Variants in KCNK13 observed in about 807,000 individuals in gnomAD.
KCNK13 encodes the protein potassium channel subfamily K member 13.
In KCNK13, 12 loss-of-function variants were observed where a neutral mutation model predicts 23.4. The observed-to-expected ratio is 0.51, with a 90% CI of 0.33 to 0.83. KCNK13 has a LOEUF of 0.83. Among genes scored for constraint, KCNK13 ranks in the 40% least tolerant of loss-of-function variants. The probability of loss-of-function intolerance (pLI) is 0.02; values close to 1 mark genes in which losing one functional copy is unlikely to be tolerated. For synonymous variants in KCNK13, 231 were observed against 229.5 expected, an observed-to-expected ratio of 1.01 and a Z score of -0.06; for missense variants, 463 against 556.3, an observed-to-expected ratio of 0.83 and a Z score of 1.69.
chr14:90,099,096 TA>T (rs72104481), intron 1 of KCNK13, among the ~76,000 whole-genome samples: 21 of 148,828 alleles, frequency 1.4e-4, no homozygotes, highest in African/African-American at 2.2e-4. Flanking sequence ...TTTTAAAAAT[TA>T]AAAAAAAAAA....
chr14:90,181,581 G>C (rs1890486535), intron 1 of KCNK13, among the ~76,000 whole-genome samples: 2 of 152,192 alleles, frequency 1.3e-5, no homozygotes, highest in Admixed American at 6.5e-5. Flanking sequence ...GACCACGGCA[G>C]TGGCCCAGAC....
intron 1 of KCNK13, among the ~76,000 whole-genome samples, chr14:90,105,486 A>C (rs1889533324): frequency 6.6e-6 from 1 of 152,128 alleles, no homozygotes; most frequent in Non-Finnish European, 1.5e-5. Flanking sequence ...GAGCAACCCA[A>C]GTTTTTATAC....
chr14:90,156,159 C>T (rs139869293), intron 1 of KCNK13, among the ~76,000 whole-genome samples: 2 of 147,020 alleles, frequency 1.4e-5, no homozygotes, highest in South Asian at 2.1e-4. Flanking sequence ...GAGCCACGTT[C>T]GTGCCACTGC....
chr14:90,111,571 T>C lies in KCNK13; in HGVS notation c.334+49032T>C, dbSNP rs180981202. 5.9e-5 allele frequency among the ~76,000 whole-genome samples: 9 copies of C among 152,220 alleles called. 3 individuals are homozygous for C. Among genetic ancestry groups the C allele is most frequent in the South Asian group, 2.1e-4 (1 of 4,820 alleles). Reference sequence around the variant, plus strand: ...GGACAGTATGGAAGACAGTGAAATGTTCGCTTTTGTTGTCCTGAGACCAAG... The same window carrying C: ...GGACAGTATGGAAGACAGTGAAATGCTCGCTTTTGTTGTCCTGAGACCAAG... On this transcript the variant is annotated intron_variant, in intron 1 of 1. Coordinates refer to ENST00000282146, the MANE Select transcript of KCNK13 (RefSeq NM_022054.4).
intron 1 of KCNK13, among the ~76,000 whole-genome samples, chr14:90,116,812 A>C (rs1889682377): frequency 6.6e-6 from 1 of 152,194 alleles, no homozygotes; most frequent in African/African-American, 2.4e-5. Context: ...CTTTTCTCCT[A>C]CTGGGAGATA....
intron 1 of KCNK13, among the ~76,000 whole-genome samples, chr14:90,115,427 A>G (rs1411362486): frequency 3.3e-5 from 5 of 152,198 alleles, no homozygotes; most frequent in East Asian, 1.9e-4. Flanking sequence ...TGAAACTTAC[A>G]AAGAAGTCCT....
At chr14:90,070,210 T>G (rs1428660736) in intron 1 of KCNK13, among the ~76,000 whole-genome samples, 1 of 152,220 alleles carries the variant, frequency 6.6e-6, no homozygotes, top group Non-Finnish European at 1.5e-5. Flanking sequence ...GGGGGAAAGG[T>G]GTATCTTAAA....
chr14:90,077,459 A>G (rs942188), intron 1 of KCNK13, among the ~76,000 whole-genome samples: 23 of 152,116 alleles, frequency 1.5e-4, no homozygotes, highest in African/African-American at 5.3e-4. Context: ...CCTTAATGTT[A>G]GTTCAGAGAA....
intron 1 of KCNK13, among the ~76,000 whole-genome samples, chr14:90,160,611 G>A (rs1665905156): frequency 6.6e-6 from 1 of 152,090 alleles, no homozygotes; most frequent in South Asian, 2.1e-4. Flanking sequence ...GAGAGGCCAA[G>A]GCGGGTGGAT....
intron 1 of KCNK13, among the ~76,000 whole-genome samples, chr14:90,143,423 G>A (rs1192312916): frequency 1.3e-5 from 2 of 151,648 alleles, no homozygotes; most frequent in African/African-American, 4.8e-5. Flanking sequence ...AGCACATTTG[G>A]GAGTGGCATA....
At chr14:90,101,595 C>G (rs909425521) in intron 1 of KCNK13, among the ~76,000 whole-genome samples, 1 of 151,520 alleles carries the variant, frequency 6.6e-6, no homozygotes, top group Admixed American at 6.6e-5. Context: ...TTGAAACCAC[C>G]CTGCGCAACA....
intron 1 of KCNK13, among the ~76,000 whole-genome samples, chr14:90,091,268 T>C (rs1420920298): frequency 2.0e-5 from 3 of 152,208 alleles, no homozygotes; most frequent in Admixed American, 2.0e-4. Flanking sequence ...CCATTCTTGT[T>C]GATTTCCCTC....
At chr14:90,172,743 A>G (rs1890379223) in intron 1 of KCNK13, among the ~76,000 whole-genome samples, 2 of 152,234 alleles carry the variant, frequency 1.3e-5, no homozygotes, top group South Asian at 2.1e-4. Context: ...GCAATTGGCC[A>G]TGCAAGTGTC....
At chr14:90,094,161 T>G (rs1889381639) in intron 1 of KCNK13, among the ~76,000 whole-genome samples, 1 of 152,200 alleles carries the variant, frequency 6.6e-6, no homozygotes, top group African/African-American at 2.4e-5. Flanking sequence ...TGGCATGCCA[T>G]AGGCCTCAGT....
chr14:90,121,664 C>T (rs1889740437), intron 1 of KCNK13, among the ~76,000 whole-genome samples: 1 of 152,192 alleles, frequency 6.6e-6, no homozygotes, highest in African/African-American at 2.4e-5. Context: ...ACTGTTAAGG[C>T]ACCCACTTTA....
At chr14:90,065,804 C>G (rs1889000763) in intron 1 of KCNK13, among the ~76,000 whole-genome samples, 1 of 152,100 alleles carries the variant, frequency 6.6e-6, no homozygotes, top group Non-Finnish European at 1.5e-5. Context: ...GGCCAGTGTG[C>G]CAGGAAATGA....
chr14:90,165,904 C>T (rs969463652), intron 1 of KCNK13, among the ~76,000 whole-genome samples: 2 of 152,148 alleles, frequency 1.3e-5, no homozygotes, highest in East Asian at 3.8e-4. Flanking sequence ...GGAAATGAAA[C>T]GTTTTGAATT....
intron 1 of KCNK13, among the ~76,000 whole-genome samples, chr14:90,094,453 C>A (rs1889383868): frequency 6.6e-6 from 1 of 152,054 alleles, no homozygotes; most frequent in Non-Finnish European, 1.5e-5. Context: ...GTATGGAGTA[C>A]TTGCTTAACT....
At chr14:90,176,775 A>G (rs1233437498) in intron 1 of KCNK13, among the ~76,000 whole-genome samples, 5 of 152,116 alleles carry the variant, frequency 3.3e-5, no homozygotes, top group Admixed American at 6.6e-5. Context: ...TAGTCCCAGC[A>G]CTTTGGGAGG....
Sources: gnomAD v4.1 joint callset for allele counts (sites outside exome capture counted in the v4.1 genomes callset) on GRCh38, gnomAD v4.1.1 for gene constraint, MANE v1.5 for transcripts, NCBI Gene and HGNC (gene_info 2026-07-23, HGNC 2026-07-21) for gene names.